PDPN: variants seen among roughly 807,000 people sequenced by gnomAD.
PDPN encodes the protein podoplanin.
Under a neutral mutation model 23.2 loss-of-function variants are expected in PDPN, and 12 were observed. The observed-to-expected ratio is 0.52, with a 90% CI of 0.33 to 0.84. The LOEUF is 0.84. PDPN is among the 40% of genes least tolerant of loss of function. PDPN has a pLI of 0.02. For missense variants in PDPN, 199 were observed against 212.2 expected, an observed-to-expected ratio of 0.94 and a Z score of 0.39; for synonymous variants, 77 against 76.7, an observed-to-expected ratio of 1.00 and a Z score of -0.02.
chr1:13,584,236 G>A lies in PDPN; in HGVS notation c.67+136G>A, dbSNP rs778686824. The A allele has an allele frequency of 1.4e-5, 21 of 1,524,552 alleles. No homozygotes were observed. In the African/African-American group the frequency reaches 2.7e-4, roughly 20 times the overall value. The allele number at this position is 1,524,552 out of a possible 1,614,324, so 94.4% of individuals were successfully genotyped here. On this transcript the variant is annotated intron_variant, in intron 1 of 5. Transcript: ENST00000621990. ...AGCTGAGGGTGTGTGCGTGTCAGGC[G>A]GCTGAGCGCCGGAGGAGGAGAGGCA...
chr1:13,603,393 A>G (rs953217258), intron 1 of PDPN, among the ~76,000 whole-genome samples: 3 of 152,198 alleles, frequency 2.0e-5, no homozygotes, highest in Admixed American at 6.5e-5. Flanking sequence ...CAAAGAAAAG[A>G]CAAAAGAAAT....
chr1:13,585,992 T>C lies in PDPN; in HGVS notation c.67+1892T>C, dbSNP rs114705035. On this transcript the variant is annotated intron_variant, in intron 1 of 5. Coordinates refer to ENST00000621990, the MANE Select transcript of PDPN (RefSeq NM_006474.5). ...GGTTCAGTTTTATAATCTGGTCCCA[T>C]GTGTCATCCCTTTGGGTGTTAGTGG... is the stretch of plus-strand genomic sequence containing the variant. Among the ~76,000 whole-genome samples, 1,295 of 152,280 alleles carry C rather than the reference T, an allele frequency of 8.5e-3. 22 individuals carry two copies. The highest frequency in any genetic ancestry group is 0.029 in the African/African-American group (1,198 of 41,574).
intron 1 of PDPN, chr1:13,595,757 C>A: frequency 1.4e-6 from 1 of 690,908 alleles, no homozygotes; most frequent in Non-Finnish European, 2.3e-6. Context: ...CGAAATTGAA[C>A]GGCAGGGCAG....
chr1:13,603,181 G>A (rs927416182), intron 1 of PDPN, among the ~76,000 whole-genome samples: 9 of 152,102 alleles, frequency 5.9e-5, no homozygotes, highest in African/African-American at 1.4e-4. Flanking sequence ...TCAGGAGTTC[G>A]AGACTAGCCT....
At chr1:13,611,714 GTTAA>G (rs1371174281) in intron 3 of PDPN, among the ~76,000 whole-genome samples, 1 of 152,130 alleles carries the variant, frequency 6.6e-6, no homozygotes, top group Non-Finnish European at 1.5e-5. Flanking sequence ...TTTAAAAATG[GTTAA>G]TTTAGTACAT....
intron 1 of PDPN, among the ~76,000 whole-genome samples, chr1:13,590,428 G>T (rs1463167475): frequency 6.6e-6 from 1 of 152,226 alleles, no homozygotes; most frequent in Non-Finnish European, 1.5e-5. Context: ...TCTGTTGCTA[G>T]GGATTTAGAG....
chr1:13,591,130 C>T (rs1371123527), intron 1 of PDPN, among the ~76,000 whole-genome samples: 5 of 151,918 alleles, frequency 3.3e-5, no homozygotes, highest in Admixed American at 6.6e-5. Context: ...TCAATAGAGA[C>T]GGGGTTTCAT....
chr1:13,615,199 G>T (rs1357335457), intron 5 of PDPN, among the ~76,000 whole-genome samples: 1 of 152,116 alleles, frequency 6.6e-6, no homozygotes, highest in Non-Finnish European at 1.5e-5. Context: ...GTTGTTGAAG[G>T]GAAGGAGTTT....
rs544956555 is a variant in PDPN at position 13,609,527 on chromosome 1, G to A, written c.202-860G>A. Among the ~76,000 whole-genome samples, 18 of 152,056 alleles carry A rather than the reference G, an allele frequency of 1.2e-4. No homozygotes were observed. The East Asian group carries it at 2.7e-3, about 23-fold the overall frequency. On this transcript the variant is annotated intron_variant, in intron 2 of 5. Transcript: ENST00000621990. ...TTAAGTATATTCACATCATTAAACC[G>A]ATCTCCAGAACTTTTCATCCTGTAA...
intron 3 of PDPN, 87 bp downstream of exon 3, chr1:13,610,603 A>C: frequency 4.6e-6 from 6 of 1,304,242 alleles, no homozygotes; most frequent in Non-Finnish European, 5.4e-6. Context: ...AGAATAATCA[A>C]TAGGGGGCAT....
Position 13,596,809 on chromosome 1 carries a change from C to T in PDPN, c.68-10364C>T, listed in dbSNP as rs367576972. ...ATTCTAATGCCTTTCTCCTGATTGCCGGAACCCACTTCAGGTTGACTGAGG... is the reference window on the plus strand; with the variant it reads ...ATTCTAATGCCTTTCTCCTGATTGCTGGAACCCACTTCAGGTTGACTGAGG... On this transcript the variant is annotated intron_variant, in intron 1 of 5. Transcript: ENST00000621990. Among the ~76,000 whole-genome samples, 19 of 152,276 alleles carry T rather than the reference C, an allele frequency of 1.2e-4. No homozygotes were observed. In the East Asian group the frequency reaches 1.9e-3, roughly 15 times the overall value.
Position 13,607,233 on chromosome 1 carries a change from T to C in PDPN, c.128T>C (p.Met43Thr), listed in dbSNP as rs1640811844. Residue 43 changes from methionine to threonine, a missense_variant, in exon 2 of 6, where the codon ATG becomes ACG. Coordinates refer to ENST00000621990, the MANE Select transcript of PDPN (RefSeq NM_006474.5). ...ETTGLEGGVA[M>T]PGAEDDVVTP... Reference sequence around the variant, plus strand: ...ACAGGTTTGGAAGGCGGCGTTGCCATGCCAGGTGCCGAAGATGATGTGGTG... The same window carrying C: ...ACAGGTTTGGAAGGCGGCGTTGCCACGCCAGGTGCCGAAGATGATGTGGTG... 10 of 1,614,116 alleles carry C rather than the reference T, an allele frequency of 6.2e-6. No individual in the cohort carries two copies. Among genetic ancestry groups the C allele is most frequent in the Middle Eastern group, 1.6e-4 (1 of 6,062 alleles).
intron 1 of PDPN, chr1:13,595,731 C>A: frequency 3.9e-6 from 2 of 507,120 alleles, no homozygotes; most frequent in Non-Finnish European, 7.3e-6. Flanking sequence ...AGTGAATGGG[C>A]ATGGCGCTGC....
intron 1 of PDPN, chr1:13,595,847 G>A (rs1424849721): frequency 1.0e-5 from 13 of 1,286,482 alleles, no homozygotes; most frequent in East Asian, 5.6e-5. Flanking sequence ...TTAACAACTC[G>A]GGGGTGAAGC....
At chr1:13,584,314 A>G (rs1640118790) in intron 1 of PDPN, 1 of 1,503,314 alleles carries the variant, frequency 6.7e-7, no homozygotes, top group African/African-American at 1.4e-5. Flanking sequence ...GTGTGCCGGG[A>G]GGAGCCCCGG....
At chr1:13,588,346 T>G (rs1254465443) in intron 1 of PDPN, among the ~76,000 whole-genome samples, 1 of 151,982 alleles carries the variant, frequency 6.6e-6, no homozygotes, top group Non-Finnish European at 1.5e-5. Flanking sequence ...GCTAGAATAT[T>G]TTTAACATAT....
At chr1:13,600,017 C>T (rs1236179404) in intron 1 of PDPN, among the ~76,000 whole-genome samples, 1 of 152,182 alleles carries the variant, frequency 6.6e-6, no homozygotes, top group Non-Finnish European at 1.5e-5. Context: ...GTCCAGATTT[C>T]TCCTAGTAAG....
intron 1 of PDPN, among the ~76,000 whole-genome samples, chr1:13,595,527 G>A (rs1182502956): frequency 2.0e-5 from 3 of 152,154 alleles, no homozygotes; most frequent in Non-Finnish European, 2.9e-5. Flanking sequence ...CAGGGAAAGC[G>A]GTTTCACATC....
Position 13,583,976 on chromosome 1 carries a change from C to T in PDPN, c.-58C>T, listed in dbSNP as rs746992405. On this transcript the variant is annotated 5_prime_UTR_variant, in exon 1 of 6. Coordinates refer to ENST00000621990, the MANE Select transcript of PDPN (RefSeq NM_006474.5). The stretch of plus-strand genomic sequence containing the variant: ...TGTGGCCGCGGTGCTTTTTAATTTT[C>T]CCCCAGCTCAGAATCTTGCTGCTCG... 32 of 1,613,594 alleles carry T rather than the reference C, an allele frequency of 2.0e-5. No homozygotes were observed. The highest frequency in any genetic ancestry group is 1.4e-4 in the South Asian group (13 of 91,090).
Sources: gnomAD v4.1 joint callset for allele counts (sites outside exome capture counted in the v4.1 genomes callset) on GRCh38, gnomAD v4.1.1 for gene constraint, MANE v1.5 for transcripts, NCBI Gene and HGNC (gene_info 2026-07-23, HGNC 2026-07-21) for gene names.